Variants in RGS3 observed in about 807,000 individuals in gnomAD.
RGS3 encodes the protein regulator of G protein signaling 3.
RGS3 carries 80 observed loss-of-function variants against 132.6 expected under a neutral mutation model. The observed-to-expected ratio is 0.60, with a 90% CI of 0.50 to 0.73. The LOEUF is 0.73. Ranked by LOEUF, RGS3 falls within the 30% of genes least tolerant of loss-of-function variation. The pLI is 0.00. For synonymous variants in RGS3, 598 were observed against 620.6 expected (o/e 0.96, Z 0.54); for missense variants, 1,382 against 1,530.8 (o/e 0.90, Z 1.62).
chr9:113,549,906 C>G (rs945777886), intron 19 of RGS3, among the ~76,000 whole-genome samples: 5 of 152,118 alleles, frequency 3.3e-5, no homozygotes, highest in African/African-American at 1.2e-4. Context: ...GTACAGGAGG[C>G]TGAGATGGGA....
intron 17 of RGS3, among the ~76,000 whole-genome samples, chr9:113,524,198 C>T (rs922031319): frequency 2.6e-5 from 4 of 152,178 alleles, no homozygotes; most frequent in Non-Finnish European, 5.9e-5. Context: ...TTCCTGCCAT[C>T]CTCTCCATAC....
chr9:113,512,620 A>G (rs1430377199), intron 14 of RGS3, among the ~76,000 whole-genome samples: 1 of 151,834 alleles, frequency 6.6e-6, no homozygotes, highest in Non-Finnish European at 1.5e-5. Context: ...GTTGGTGGGG[A>G]GCTTCCCTGA....
intron 1 of RGS3, among the ~76,000 whole-genome samples, chr9:113,447,934 TG>T: frequency 6.7e-6 from 1 of 150,012 alleles, no homozygotes; most frequent in East Asian, 2.0e-4. Context: ...CACAGATCAC[TG>T]CAGCCTCGAC....
intron 1 of RGS3, among the ~76,000 whole-genome samples, chr9:113,451,280 C>T (rs1444481039): frequency 6.6e-6 from 1 of 152,074 alleles, no homozygotes; most frequent in African/African-American, 2.4e-5. Flanking sequence ...GTTCCAGCTC[C>T]AGAACAACTA....
chr9:113,529,369 C>A, intron 18 of RGS3, 105 bp downstream of exon 16: 2 of 986,426 alleles, frequency 2.0e-6, no homozygotes, highest in Non-Finnish European at 3.2e-6. Context: ...AGCCTCCATA[C>A]CCACTCATGC....
chr9:113,450,559 T>G (rs182481020), intron 1 of RGS3, among the ~76,000 whole-genome samples: 23 of 152,158 alleles, frequency 1.5e-4, no homozygotes, highest in African/African-American at 4.8e-4. Flanking sequence ...GAAAGGAGAC[T>G]GGTGGCTGGT....
intron 7 of RGS3, among the ~76,000 whole-genome samples, chr9:113,490,438 A>G (rs1830469847): frequency 6.6e-6 from 1 of 151,864 alleles, no homozygotes. Context: ...CACACTTAAA[A>G]ATTAATAGTA....
At chr9:113,585,295 G>A (rs1038163598) in intron 20 of RGS3, among the ~76,000 whole-genome samples, 2 of 152,168 alleles carry the variant, frequency 1.3e-5, no homozygotes, top group African/African-American at 2.4e-5. Flanking sequence ...CAACTCCTCT[G>A]AGCCATAGTT....
exon 20 of RGS3, chr9:113,583,905 G>A: frequency 6.2e-7 from 1 of 1,614,096 alleles, no homozygotes; most frequent in Non-Finnish European, 8.5e-7. Flanking sequence ...CCCTTACTGA[G>A]GACACCATGA....
At chr9:113,556,190 C>T (rs1016437005) in intron 19 of RGS3, among the ~76,000 whole-genome samples, 2 of 152,122 alleles carry the variant, frequency 1.3e-5, no homozygotes, top group African/African-American at 4.8e-5. Context: ...AACCAGGATT[C>T]CTCTTTCCAA....
At chr9:113,549,746 A>G (rs1477632300) in intron 19 of RGS3, among the ~76,000 whole-genome samples, 3 of 152,198 alleles carry the variant, frequency 2.0e-5, no homozygotes, top group East Asian at 3.8e-4. Flanking sequence ...TTCCATTTCA[A>G]TAAATATTCT....
chr9:113,470,519 T>A (rs1829794721), intron 3 of RGS3, among the ~76,000 whole-genome samples: 1 of 152,236 alleles, frequency 6.6e-6, no homozygotes, highest in African/African-American at 2.4e-5. Context: ...TCTTCTTTAT[T>A]TCTAGTAGGT....
chr9:113,480,107 A>G (rs1368609735), intron 4 of RGS3, among the ~76,000 whole-genome samples: 2 of 152,200 alleles, frequency 1.3e-5, no homozygotes, highest in African/African-American at 4.8e-5. Flanking sequence ...TACTGTTAGT[A>G]AAGTGCTTAG....
At chr9:113,528,851 G>A (rs567749429) in intron 17 of RGS3, among the ~76,000 whole-genome samples, 1 of 152,232 alleles carries the variant, frequency 6.6e-6, no homozygotes, top group Non-Finnish European at 1.5e-5. Context: ...GGAAAATCCA[G>A]ATGTGTGCTG....
At position 113,507,356 on chromosome 9, in the gene RGS3, C is replaced by G. The variant is rs770128690; in HGVS notation, c.1155C>G (p.Gly385=). 6.2e-7 allele frequency: 1 copy of G among 1,613,852 alleles called. No individual in the cohort carries two copies. The highest frequency in any genetic ancestry group is 8.5e-7 in the Non-Finnish European group (1 of 1,180,028). ...CCCAGGTCAAGCCAGGACCAGATGG[C>G]GGGGTCCTGCGGCGGGCCTCCTGCA... Residue 385 remains glycine, a synonymous_variant, in exon 13 of 25, where the codon GGC becomes GGG. Transcript: ENST00000350696. This position sits in a 1 kb window ranked among gnomAD's most constrained non-coding sequence, Gnocchi z 5.0.
rs1426114805 is a variant in RGS3, at chr9:113,553,459, A to AAAAAAATAT, written c.2037+16542_2037+16543insAAAAATATA. ...CTCTGTTTAAAAAAAAAAAAAAAAA[A>AAAAAAATAT]ATATATATATATATATATATATATA... On this transcript the variant is annotated intron_variant, in intron 19 of 24. Coordinates refer to ENST00000350696, the Ensembl canonical transcript of RGS3. 5.3e-4 allele frequency among the ~76,000 whole-genome samples: 31 copies of AAAAAAATAT among 58,688 alleles called. 1 individual carries two copies. Among genetic ancestry groups the AAAAAAATAT allele is most frequent in the Admixed American group, 1.1e-3 (4 of 3,642 alleles). 38.5% of individuals were successfully genotyped at this position (58,688 alleles called of 152,430 possible).
intron 19 of RGS3, among the ~76,000 whole-genome samples, chr9:113,576,584 C>T (rs1207905481): frequency 1.3e-5 from 2 of 152,152 alleles, no homozygotes; most frequent in Admixed American, 6.5e-5. Context: ...CCCTTCTTGG[C>T]CTCCCAAAGT....
intron 10 of RGS3, chr9:113,503,345 C>T (rs564447978): frequency 1.3e-5 from 2 of 152,484 alleles, no homozygotes; most frequent in African/African-American, 4.8e-5. Context: ...TCTTTGGACA[C>T]TACCCTCTCA....
intron 15 of RGS3, among the ~76,000 whole-genome samples, chr9:113,516,361 CT>C (rs555623581): frequency 1.6e-3 from 236 of 144,422 alleles, no homozygotes; most frequent in Non-Finnish European, 1.8e-3. Flanking sequence ...CTTTCTTTTT[CT>C]TTTTTTTTTT....
Sources: allele counts gnomAD v4.1 joint callset (sites outside exome capture counted in the v4.1 genomes callset), GRCh38; gene constraint gnomAD v4.1.1; non-coding constraint Gnocchi (gnomAD v3.1); transcripts MANE v1.5; gene names NCBI Gene and HGNC (gene_info 2026-07-23, HGNC 2026-07-21).